Variants in DYNLT2 observed in about 807,000 individuals in gnomAD.
DYNLT2 encodes dynein light chain Tctex-type 2.
In DYNLT2, 24 loss-of-function variants were observed where a neutral mutation model predicts 24.3. That is an observed-to-expected ratio of 0.99 (90% CI 0.71 to 1.39). DYNLT2 has a LOEUF of 1.39. Among genes scored for constraint, DYNLT2 ranks in the 40% most tolerant of loss-of-function variants. The pLI is 0.00. For missense variants in DYNLT2, 246 were observed against 234.5 expected (o/e 1.05, Z -0.32); for synonymous variants, 85 against 85.4 (o/e 1.00, Z 0.03).
At chr6:169,746,861 G>GT (rs1027157594) in intron 1 of DYNLT2, among the ~76,000 whole-genome samples, 1 of 151,466 alleles carries the variant, frequency 6.6e-6, no homozygotes, top group African/African-American at 2.4e-5. Flanking sequence ...ATGTTTCTGA[G>GT]TTTTTTGTTT....
the DYNLT2 span, among the ~76,000 whole-genome samples, chr6:169,726,470 G>C: frequency 1.3e-5 from 2 of 152,160 alleles, no homozygotes; most frequent in African/African-American, 4.8e-5. Context: ...CTGAGGGGTG[G>C]GAAAATAGAC....
chr6:169,725,533 T>G, the DYNLT2 span: 1 of 392,488 alleles, frequency 2.5e-6, no homozygotes, highest in Non-Finnish European at 4.5e-6. Flanking sequence ...TCCCACCACG[T>G]GCAGGTGTAA....
chr6:169,725,646 GAAAA>G, the DYNLT2 span: 16 of 211,988 alleles, frequency 7.5e-5, no homozygotes, highest in East Asian at 1.6e-3. Flanking sequence ...TTTTTTTTAA[GAAAA>G]AAAACAAAAA....
rs1450973778 is a variant in DYNLT2 at position 169,751,572 on chromosome 6, T to C, written c.-114A>G. 16 of 1,607,582 alleles carry C rather than the reference T, an allele frequency of 1.0e-5. No homozygotes were observed. Among genetic ancestry groups the C allele is most frequent in the South Asian group, 6.6e-5 (6 of 90,490 alleles). ...CACCTGCGCCTCGTACGGTAGGAAG[T>C]GCCCGCCAGGGCTCCAAAGCGCCTG... On this transcript the variant is annotated 5_prime_UTR_variant, in exon 1 of 4. Coordinates refer to ENST00000366774, the MANE Select transcript of DYNLT2 (RefSeq NM_174910.3).
intron 1 of DYNLT2, chr6:169,749,706 G>C (rs560604734): frequency 1.3e-5 from 2 of 152,242 alleles, no homozygotes; most frequent in South Asian, 2.1e-4. Context: ...TTATTAAAAA[G>C]TTAAGGGAAG....
chr6:169,736,983 C>A (rs1789575603), downstream of DYNLT2, among the ~76,000 whole-genome samples: 1 of 152,110 alleles, frequency 6.6e-6, no homozygotes. Flanking sequence ...TTTATGAAGT[C>A]CCATATTTCT....
chr6:169,735,394 T>A (rs1042359527), downstream of DYNLT2, among the ~76,000 whole-genome samples: 3 of 152,212 alleles, frequency 2.0e-5, no homozygotes, highest in African/African-American at 7.2e-5. Flanking sequence ...TGATTTGAGA[T>A]CTTTCTAGCT....
At chr6:169,730,669 C>T in the DYNLT2 span, among the ~76,000 whole-genome samples, 2 of 152,004 alleles carry the variant, frequency 1.3e-5, no homozygotes, top group Non-Finnish European at 2.9e-5. Context: ...CCGAGGCGGG[C>T]GGATGGATCA....
chr6:169,731,997 G>A, the DYNLT2 span, among the ~76,000 whole-genome samples: 2 of 152,292 alleles, frequency 1.3e-5, no homozygotes, highest in East Asian at 3.9e-4. Flanking sequence ...TCAATTACCA[G>A]GTAGTATATT....
rs982392783 is a variant in DYNLT2 at position 169,747,585 on chromosome 6, G to C, written c.121-3311C>G. 1.2e-4 allele frequency among the ~76,000 whole-genome samples: 19 copies of C among 152,116 alleles called. 1 individual carries two copies. Among genetic ancestry groups the C allele is most frequent in the Admixed American group, 9.8e-4 (15 of 15,282 alleles). On this transcript the variant is annotated intron_variant, in intron 1 of 3. Coordinates refer to ENST00000366774, the MANE Select transcript of DYNLT2 (RefSeq NM_174910.3). ...TACCATTTAGTGTATTTTCATCCCT[G>C]ACATAGTATTTTTCATCTACAGAAG...
chr6:169,727,512 G>T, the DYNLT2 span, among the ~76,000 whole-genome samples: 22,338 of 151,966 alleles, frequency 0.15, 2,086 homozygotes, highest in East Asian at 0.29. Context: ...AAAGACAGAA[G>T]GTGGTCGCAG....
the DYNLT2 span, among the ~76,000 whole-genome samples, chr6:169,735,044 C>A: frequency 1.3e-5 from 2 of 152,196 alleles, no homozygotes; most frequent in East Asian, 3.9e-4. Flanking sequence ...GGAATTTATC[C>A]ATTTCTTCTA....
chr6:169,746,657 CTGTG>C (rs1165008813), intron 1 of DYNLT2, among the ~76,000 whole-genome samples: 8 of 152,060 alleles, frequency 5.3e-5, no homozygotes, highest in East Asian at 3.9e-4. Context: ...GCTGCTCACT[CTGTG>C]TGTTTGTTGT....
intron 1 of DYNLT2, chr6:169,749,439 T>A (rs1442535355): frequency 1.3e-5 from 2 of 152,232 alleles, no homozygotes; most frequent in African/African-American, 4.8e-5. Flanking sequence ...GTGAGAACAA[T>A]CACGTTTTCC....
At chr6:169,725,466 G>C in the DYNLT2 span, 2 of 397,120 alleles carry the variant, frequency 5.0e-6, no homozygotes, top group Non-Finnish European at 8.9e-6. Context: ...CCCTCAAGCC[G>C]ATCCTAATCC....
rs1789648838 is a variant in DYNLT2, at chr6:169,740,269, A to G, written c.513T>C (p.Ile171=). Residue 171 remains isoleucine (I), a synonymous_variant, in exon 4 of 4, where the codon ATT becomes ATC. Transcript: ENST00000366774. ...INIASRWIWD[I]AWDSWVAAKH... ...TAGCTGCGACCCAGCTGTCCCATGCAATGTCCCAGATCCATCTGCTGGCAA... is the reference window on the plus strand; with the variant it reads ...TAGCTGCGACCCAGCTGTCCCATGCGATGTCCCAGATCCATCTGCTGGCAA... 1.2e-6 allele frequency: 2 copies of G among 1,613,880 alleles called. No homozygotes were observed. Among genetic ancestry groups the G allele is most frequent in the Admixed American group, 1.7e-5 (1 of 60,008 alleles).
intron 1 of DYNLT2, chr6:169,751,066 AAAG>A (rs1319241999): frequency 2.7e-6 from 1 of 374,800 alleles, no homozygotes; most frequent in African/African-American, 2.1e-5. Flanking sequence ...GTAAATTTGA[AAAG>A]AAGATCTTGT....
downstream of DYNLT2, among the ~76,000 whole-genome samples, chr6:169,736,284 G>C (rs190298782): frequency 1.3e-5 from 2 of 152,158 alleles, no homozygotes; most frequent in East Asian, 3.9e-4. Flanking sequence ...GCCTGTCTGT[G>C]TCTTTTAATT....
Position 169,751,396 on chromosome 6 carries a change from C to T in DYNLT2, c.63G>A (p.Gln21=). ...SPIQTPNQTP[Q]QAPVTPRKER... ...CTTTCCTAGGCGTCACCGGAGCCTGCTGAGGGGTCTGGTTCGGGGTCTGGA... is the reference window on the plus strand; with the variant it reads ...CTTTCCTAGGCGTCACCGGAGCCTGTTGAGGGGTCTGGTTCGGGGTCTGGA... The change falls in exon 1 of 4, where the codon CAG becomes CAA. Residue 21 remains glutamine (Q), a synonymous_variant. Coordinates refer to ENST00000366774, the MANE Select transcript of DYNLT2 (RefSeq NM_174910.3). 1.2e-6 allele frequency: 2 copies of T among 1,614,188 alleles called. No individual in the cohort carries two copies. The highest frequency in any genetic ancestry group is 1.7e-6 in the Non-Finnish European group (2 of 1,180,022).
Sources: gnomAD v4.1 joint callset for allele counts (sites outside exome capture counted in the v4.1 genomes callset) on GRCh38, gnomAD v4.1.1 for gene constraint, MANE v1.5 for transcripts, NCBI Gene and HGNC (gene_info 2026-07-23, HGNC 2026-07-21) for gene names.